Variants in SDK1 observed in about 807,000 individuals in gnomAD.
The protein encoded by SDK1 is protein sidekick-1.
A neutral mutation model predicts 245.5 loss-of-function variants in SDK1; 157 were observed. The ratio of observed to expected loss-of-function variants is 0.64; its 90% CI spans 0.56 to 0.73. SDK1 has a LOEUF of 0.73. Among genes scored for constraint, SDK1 ranks in the 30% least tolerant of loss-of-function variants. The pLI is 0.00. For missense variants in SDK1, 3,583 were observed against 3,002.3 expected, an observed-to-expected ratio of 1.19 and a Z score of -4.52; for synonymous variants, 1,647 against 1,278.5, an observed-to-expected ratio of 1.29 and a Z score of -6.15.
chr7:3,686,099 G>T (rs766013557), intron 4 of SDK1, among the ~76,000 whole-genome samples: 1 of 152,148 alleles, frequency 6.6e-6, no homozygotes, highest in East Asian at 1.9e-4. Flanking sequence ...TTTTGAGATG[G>T]AGTTTTGCTC....
At chr7:3,794,176 C>T (rs767309731) in intron 4 of SDK1, among the ~76,000 whole-genome samples, 8 of 152,028 alleles carry the variant, frequency 5.3e-5, no homozygotes, top group East Asian at 1.9e-4. Flanking sequence ...TAAAGGAGAA[C>T]GGCGTGAATG....
intron 5 of SDK1, among the ~76,000 whole-genome samples, chr7:3,872,672 C>T (rs959006700): frequency 1.7e-4 from 25 of 151,084 alleles, no homozygotes; most frequent in Non-Finnish European, 1.2e-4. Context: ...CTTAATTAGC[C>T]TGCCTAGAAA....
intron 5 of SDK1, among the ~76,000 whole-genome samples, chr7:3,825,216 C>G (rs1779740752): frequency 6.6e-6 from 1 of 150,810 alleles, no homozygotes; most frequent in South Asian, 2.1e-4. Context: ...ATGAACCTGT[C>G]AACCTATTTT....
At position 3,814,468 on chromosome 7, in the gene SDK1, C is replaced by G. The variant is rs150078174; in HGVS notation, c.714-6982C>G. Among the ~76,000 whole-genome samples the G allele has an allele frequency of 5.2e-3, 796 of 151,834 alleles. 12 individuals are homozygous for G. Among genetic ancestry groups the G allele is most frequent in the African/African-American group, 0.018 (732 of 41,194 alleles). On this transcript the variant is annotated intron_variant, in intron 4 of 44. Transcript: ENST00000404826. ...GAGGGCTCTGTTCTGTTCCGTTGAT[C>G]TGTATCTCTGTTTTGGTACCGGTAC...
chr7:4,072,830 G>C (rs961129553), intron 20 of SDK1, among the ~76,000 whole-genome samples: 2 of 152,208 alleles, frequency 1.3e-5, no homozygotes, highest in Non-Finnish European at 2.9e-5. Flanking sequence ...CTGGTCTGTG[G>C]TGAGCACCCC....
chr7:3,581,185 T>A (rs1780476303), intron 1 of SDK1, among the ~76,000 whole-genome samples: 1 of 152,004 alleles, frequency 6.6e-6, no homozygotes, highest in Non-Finnish European at 1.5e-5. Context: ...ATCTGTAGAA[T>A]AGGAGAAAAT....
chr7:3,308,708 C>G (rs1486039626), intron 1 of SDK1, among the ~76,000 whole-genome samples: 1 of 152,022 alleles, frequency 6.6e-6, no homozygotes, highest in Non-Finnish European at 1.5e-5. Flanking sequence ...AAAGAATGGG[C>G]TAGACCCTGG....
chr7:3,376,446 CAGTA>C (rs1187929433), intron 1 of SDK1, among the ~76,000 whole-genome samples: 2 of 145,494 alleles, frequency 1.4e-5, no homozygotes, highest in Admixed American at 6.7e-5. Context: ...TCTTAAAAAT[CAGTA>C]AGAAGACTCT....
chr7:3,371,107 T>A (rs1229430280), intron 1 of SDK1, among the ~76,000 whole-genome samples: 1 of 152,064 alleles, frequency 6.6e-6, no homozygotes, highest in Non-Finnish European at 1.5e-5. Context: ...AGTGCCTGAG[T>A]CTCAGAGCAG....
In SDK1 at chr7:4,088,436, T is replaced by C. The variant is rs80108003; in HGVS notation, c.3324+8852T>C. Among the ~76,000 whole-genome samples, 281 of 152,326 alleles carry C rather than the reference T, an allele frequency of 1.8e-3. 2 individuals carry two copies. Among genetic ancestry groups the C allele is most frequent in the African/African-American group, 6.5e-3 (269 of 41,578 alleles). On this transcript the variant is annotated intron_variant, in intron 22 of 44. Coordinates refer to ENST00000404826, the MANE Select transcript of SDK1 (RefSeq NM_152744.4). ...TTGTTTTGTCACTCTAAAGAAATTA[T>C]TGTAAGATTTTATCATCAGGTATGA...
intron 25 of SDK1, among the ~76,000 whole-genome samples, chr7:4,114,906 A>G (rs1337432418): frequency 2.6e-5 from 4 of 152,136 alleles, no homozygotes; most frequent in Admixed American, 6.5e-5. Context: ...CACTCTGTTC[A>G]TCTTCTTGGG....
At chr7:3,535,300 A>G (rs1441093243) in intron 1 of SDK1, among the ~76,000 whole-genome samples, 1 of 152,180 alleles carries the variant, frequency 6.6e-6, no homozygotes, top group Non-Finnish European at 1.5e-5. Context: ...GAAAACTGTT[A>G]GGCTATAAAG....
intron 1 of SDK1, among the ~76,000 whole-genome samples, chr7:3,485,365 A>T (rs551880511): frequency 6.6e-6 from 1 of 152,136 alleles, no homozygotes; most frequent in East Asian, 1.9e-4. Flanking sequence ...CTTATTTGCG[A>T]TTGAGTTGTT....
At chr7:3,503,399 G>A (rs530489145) in intron 1 of SDK1, among the ~76,000 whole-genome samples, 1 of 152,180 alleles carries the variant, frequency 6.6e-6, no homozygotes, top group Non-Finnish European at 1.5e-5. Context: ...ACAACTTCAG[G>A]TGGGGTGTGG....
chr7:4,263,439 T>TG, intron 44 of SDK1, among the ~76,000 whole-genome samples: 1 of 148,674 alleles, frequency 6.7e-6, no homozygotes, highest in Non-Finnish European at 1.5e-5. Context: ...CTCTCCTGAG[T>TG]GGGGAGGCCG....
chr7:4,125,578 A>G (rs1311265186), intron 25 of SDK1, among the ~76,000 whole-genome samples: 1 of 152,160 alleles, frequency 6.6e-6, no homozygotes, highest in Non-Finnish European at 1.5e-5. Context: ...AAGTCCTCGC[A>G]AGTGTTCCTG....
intron 4 of SDK1, among the ~76,000 whole-genome samples, chr7:3,811,157 C>T (rs1779373775): frequency 6.6e-6 from 1 of 152,208 alleles, no homozygotes; most frequent in African/African-American, 2.4e-5. Flanking sequence ...ATTCACCTCA[C>T]TACCGATTTG....
intron 17 of SDK1, among the ~76,000 whole-genome samples, chr7:4,040,768 G>T (rs1023705487): frequency 2.0e-5 from 3 of 152,160 alleles, no homozygotes; most frequent in African/African-American, 4.8e-5. Context: ...TATGCGGATG[G>T]GTTATCTCCC....
rs1562871872 is a variant in SDK1, at chr7:4,139,553, A to ATGTG, written c.4229-6166_4229-6165insGTGT. Among the ~76,000 whole-genome samples, 15 of 41,604 alleles carry ATGTG rather than the reference A, an allele frequency of 3.6e-4. 2 individuals are homozygous for ATGTG. Among genetic ancestry groups the ATGTG allele is most frequent in the African/African-American group, 1.2e-3 (15 of 12,302 alleles). 27.3% of individuals were successfully genotyped at this position (41,604 alleles called of 152,430 possible). A position where few individuals can be genotyped will look rare whatever the true frequency, so the allele number is the denominator to read the frequency against. Reference sequence around the variant, plus strand: ...TGTGTGTGTATATATGTGTGTGTATATGTATATATGTGTGTATATGTGTGT... The same window carrying ATGTG: ...TGTGTGTGTATATATGTGTGTGTATATGTGTGTATATATGTGTGTATATGTGTGT... On this transcript the variant is annotated intron_variant, in intron 28 of 44. Transcript: ENST00000404826.
Sources: allele counts gnomAD v4.1 joint callset (sites outside exome capture counted in the v4.1 genomes callset), GRCh38; gene constraint gnomAD v4.1.1; transcripts MANE v1.5; gene names NCBI Gene and HGNC (gene_info 2026-07-23, HGNC 2026-07-21).